The following CNTFR variants were observed in gnomAD, a reference collection of about 807,000 sequenced individuals.
The protein encoded by CNTFR is ciliary neurotrophic factor receptor, also known as ciliary neurotrophic factor receptor subunit alpha.
Under a neutral mutation model 40.4 loss-of-function variants are expected in CNTFR, and 12 were observed. The observed-to-expected ratio is 0.30, with a 90% CI of 0.19 to 0.48. The LOEUF is 0.48. CNTFR is among the 20% of genes least tolerant of loss of function. The pLI is 0.99. For synonymous variants in CNTFR, 202 were observed against 209.6 expected, an observed-to-expected ratio of 0.96 and a Z score of 0.31; for missense variants, 414 against 506.8, an observed-to-expected ratio of 0.82 and a Z score of 1.76.
chr9:34,558,821 C>G (rs959454843), intron 4 of CNTFR, among the ~76,000 whole-genome samples: 5 of 152,192 alleles, frequency 3.3e-5, no homozygotes, highest in Non-Finnish European at 5.9e-5. Flanking sequence ...GGATAAGGAC[C>G]TCTCAAGGTC....
rs1194721543 is a variant in CNTFR, at chr9:34,557,824, C to G, written c.437+43G>C. 1.3e-6 allele frequency: 2 copies of G among 1,548,292 alleles called. No homozygotes were observed. The highest frequency in any genetic ancestry group is 1.8e-6 in the Non-Finnish European group (2 of 1,135,066). ...CATGGTGGTGGGATGGGGGAGAGGT[C>G]AGAGGTCAGGGCTGGACCCGGGTCA... is the stretch of plus-strand genomic sequence containing the variant. On this transcript the variant is annotated intron_variant, in intron 5 of 9. Coordinates refer to ENST00000378980, the MANE Select transcript of CNTFR (RefSeq NM_147164.3). The surrounding 1 kb of genome is among the most constrained non-coding windows in gnomAD (Gnocchi z 4.2).
In CNTFR at chr9:34,563,235, C is replaced by G. The variant is rs144029952; in HGVS notation, c.319+1364G>C. 5.2e-3 allele frequency among the ~76,000 whole-genome samples: 789 copies of G among 152,350 alleles called. 10 individuals are homozygous for G. Among genetic ancestry groups the G allele is most frequent in the African/African-American group, 0.018 (752 of 41,578 alleles). On this transcript the variant is annotated intron_variant, in intron 4 of 9. Coordinates refer to ENST00000378980, the MANE Select transcript of CNTFR (RefSeq NM_147164.3). ...CCCATACTATTAATACTTCTCACTC[C>G]CAAATTCTGCAGTTATTCGCCTAAG...
At chr9:34,574,856 T>C (rs1254735916) in intron 2 of CNTFR, among the ~76,000 whole-genome samples, 3 of 152,144 alleles carry the variant, frequency 2.0e-5, no homozygotes, top group Non-Finnish European at 2.9e-5. Flanking sequence ...TGCGGGCGTG[T>C]TGTTGGGGGA....
chr9:34,551,867 CT>C lies in CNTFR; in HGVS notation c.*203del. 1 of 677,526 alleles carries C rather than the reference CT, an allele frequency of 1.5e-6. No homozygotes were observed. The highest frequency in any genetic ancestry group is 2.7e-6 in the Non-Finnish European group (1 of 372,556). The allele number at this position is 677,526 out of a possible 1,614,324, so 42.0% of individuals were successfully genotyped here. ...GGGTTAGCTGCATGGCCCACCTCCCCTGAGGGAGGAAGGAGGGCCAGCTTGG... is the reference window on the plus strand; with the variant it reads ...GGGTTAGCTGCATGGCCCACCTCCCCGAGGGAGGAAGGAGGGCCAGCTTGG... On this transcript the variant is annotated 3_prime_UTR_variant, in exon 10 of 10. Transcript: ENST00000378980.
At chr9:34,558,610 G>A (rs554919295) in intron 4 of CNTFR, among the ~76,000 whole-genome samples, 2 of 152,300 alleles carry the variant, frequency 1.3e-5, no homozygotes, top group African/African-American at 4.8e-5. Context: ...ATCCGTAGGA[G>A]CAGCTATGCG....
At chr9:34,558,497 A>G (rs1825941831) in intron 4 of CNTFR, among the ~76,000 whole-genome samples, 1 of 152,202 alleles carries the variant, frequency 6.6e-6, no homozygotes, top group African/African-American at 2.4e-5. Flanking sequence ...CAGGAACAGC[A>G]CTGGGCAGCT....
At chr9:34,572,982 A>G (rs1472700034) in intron 2 of CNTFR, among the ~76,000 whole-genome samples, 1 of 152,208 alleles carries the variant, frequency 6.6e-6, no homozygotes, top group Non-Finnish European at 1.5e-5. Flanking sequence ...TCACAGAATG[A>G]TACTAGTCCA....
At chr9:34,577,823 G>T (rs919000278) in intron 2 of CNTFR, among the ~76,000 whole-genome samples, 1 of 148,866 alleles carries the variant, frequency 6.7e-6, no homozygotes, top group Non-Finnish European at 1.5e-5. Context: ...GGGCTGGGGG[G>T]AGAGACAGAG....
chr9:34,572,318 C>T (rs1294516498), intron 2 of CNTFR, among the ~76,000 whole-genome samples: 2 of 152,116 alleles, frequency 1.3e-5, no homozygotes, highest in African/African-American at 4.8e-5. Flanking sequence ...CTGGCTCACT[C>T]CAGGCCACCC....
At chr9:34,574,368 C>T (rs570392933) in intron 2 of CNTFR, among the ~76,000 whole-genome samples, 1 of 152,338 alleles carries the variant, frequency 6.6e-6, no homozygotes, top group East Asian at 1.9e-4. Flanking sequence ...TGCCTCTCCT[C>T]TCAGCTCTCT....
intron 7 of CNTFR, among the ~76,000 whole-genome samples, chr9:34,555,754 G>A (rs1399978504): frequency 6.6e-6 from 1 of 152,048 alleles, no homozygotes; most frequent in Non-Finnish European, 1.5e-5. Flanking sequence ...CCATCTGTGA[G>A]CCCTTGAGGA....
Position 34,551,716 on chromosome 9 carries a change from G to GGA in CNTFR, c.*353_*354dup, listed in dbSNP as rs1825629774. 2 of 484,986 alleles carry GGA rather than the reference G, an allele frequency of 4.1e-6. No homozygotes were observed. Among genetic ancestry groups the GGA allele is most frequent in the African/African-American group, 3.9e-5 (2 of 51,168 alleles). The allele number at this position is 484,986 out of a possible 1,614,324, so 30.0% of individuals were successfully genotyped here. On this transcript the variant is annotated 3_prime_UTR_variant, in exon 10 of 10. Coordinates refer to ENST00000378980, the MANE Select transcript of CNTFR (RefSeq NM_147164.3). ...GGCAACAGAGACCCTGGGATAGACA[G>GGA]GAGGCTGGGGCAGGAGGAGAAATCG...
At chr9:34,556,696 T>G (rs1309919757) in intron 6 of CNTFR, among the ~76,000 whole-genome samples, 2 of 152,100 alleles carry the variant, frequency 1.3e-5, no homozygotes, top group Admixed American at 1.3e-4. Context: ...CATCCCATCA[T>G]CCCAACCCTA....
chr9:34,578,004 G>T (rs536059419), intron 2 of CNTFR, among the ~76,000 whole-genome samples: 1 of 151,602 alleles, frequency 6.6e-6, no homozygotes, highest in Non-Finnish European at 1.5e-5. Context: ...CCGGCCCTGT[G>T]GCCACTGACC....
intron 2 of CNTFR, among the ~76,000 whole-genome samples, chr9:34,570,381 T>G (rs189100762): frequency 6.6e-6 from 1 of 152,106 alleles, no homozygotes; most frequent in African/African-American, 2.4e-5. Context: ...AGGACTCAGC[T>G]AGACCCAGGC....
intron 2 of CNTFR, among the ~76,000 whole-genome samples, chr9:34,571,037 C>G (rs948993421): frequency 4.6e-5 from 7 of 152,154 alleles, no homozygotes; most frequent in South Asian, 2.1e-4. Flanking sequence ...CCCCAGCTAC[C>G]CTTTGCGCAT....
At chr9:34,586,238 G>A (rs1471187719) in intron 1 of CNTFR, among the ~76,000 whole-genome samples, 1 of 152,200 alleles carries the variant, frequency 6.6e-6, no homozygotes, top group African/African-American at 2.4e-5. Flanking sequence ...GGGGAACAGA[G>A]TGGGGAAGCC....
chr9:34,582,916 T>C (rs1471041699), intron 1 of CNTFR: 3 of 152,258 alleles, frequency 2.0e-5, no homozygotes, highest in Admixed American at 1.3e-4. Flanking sequence ...AGAAACAGAC[T>C]GTGAAAGCAA....
chr9:34,555,705 C>G (rs985115265), intron 7 of CNTFR, among the ~76,000 whole-genome samples: 1 of 152,074 alleles, frequency 6.6e-6, no homozygotes, highest in Non-Finnish European at 1.5e-5. Flanking sequence ...ACATGCTGGA[C>G]CAGGCTTGAC....
Sources: gnomAD v4.1 joint callset for allele counts (sites outside exome capture counted in the v4.1 genomes callset) on GRCh38, gnomAD v4.1.1 for gene constraint, Gnocchi (gnomAD v3.1) non-coding constraint, MANE v1.5 for transcripts, NCBI Gene and HGNC (gene_info 2026-07-23, HGNC 2026-07-21) for gene names.